CDC42BPA: variants seen among roughly 807,000 people sequenced by gnomAD.
CDC42BPA encodes the protein CDC42 binding protein kinase alpha.
CDC42BPA carries 80 observed loss-of-function variants against 223.5 expected under a neutral mutation model. The ratio of observed to expected loss-of-function variants is 0.36; its 90% CI spans 0.30 to 0.43. The LOEUF is 0.43. Among genes scored for constraint, CDC42BPA ranks in the 20% least tolerant of loss-of-function variants. CDC42BPA has a pLI of 1.00. For synonymous variants in CDC42BPA, 694 were observed against 718.6 expected (o/e 0.97, Z 0.55); for missense variants, 1,743 against 2,099.9 (o/e 0.83, Z 3.32).
At chr1:227,222,731 T>C (rs1440165172) in intron 2 of CDC42BPA, among the ~76,000 whole-genome samples, 1 of 152,242 alleles carries the variant, frequency 6.6e-6, no homozygotes, top group Non-Finnish European at 1.5e-5. Context: ...CAGCTGTCTA[T>C]ACTTTATTGA....
At position 226,992,121 on chromosome 1, in the gene CDC42BPA, G is replaced by A. The variant is rs1438604603; in HGVS notation, c.*2147C>T. Reference sequence around the variant, plus strand: ...GAGCTGGTCACGAGCACCAAGCAGGGGGCCGGCTGGCTGACTCCCTTCTCT... The same window carrying A: ...GAGCTGGTCACGAGCACCAAGCAGGAGGCCGGCTGGCTGACTCCCTTCTCT... On this transcript the variant is annotated 3_prime_UTR_variant, in exon 37 of 37. Transcript: ENST00000366766. 6.6e-6 allele frequency: 1 copy of A among 151,964 alleles called. No individual in the cohort carries two copies. The highest frequency in any genetic ancestry group is 2.4e-5 in the African/African-American group (1 of 41,370). 9.4% of individuals were successfully genotyped at this position (151,964 alleles called of 1,614,324 possible). A position where few individuals can be genotyped will look rare whatever the true frequency, so the allele number is the denominator to read the frequency against.
At chr1:227,055,828 G>A (rs1328322767) in intron 21 of CDC42BPA, among the ~76,000 whole-genome samples, 2 of 151,064 alleles carry the variant, frequency 1.3e-5, no homozygotes, top group African/African-American at 4.9e-5. Flanking sequence ...ACTTTAAGGT[G>A]TTACTCTGAC....
intron 10 of CDC42BPA, among the ~76,000 whole-genome samples, chr1:227,133,973 G>GAATAAATAAATGAATA (rs1553355409): frequency 6.8e-6 from 1 of 146,288 alleles, no homozygotes; most frequent in African/African-American, 2.5e-5. Context: ...AAAAATAAAT[G>GAATAAATAAATGAATA]AATAAATAAA....
At chr1:227,235,154 A>G (rs1280907468) in intron 2 of CDC42BPA, 3 of 152,186 alleles carry the variant, frequency 2.0e-5, no homozygotes, top group Non-Finnish European at 4.4e-5. Flanking sequence ...CATGACACCA[A>G]AGAAATGAGG....
At chr1:227,027,848 G>A (rs919710783) in intron 30 of CDC42BPA, among the ~76,000 whole-genome samples, 3 of 152,186 alleles carry the variant, frequency 2.0e-5, no homozygotes, top group African/African-American at 7.2e-5. Flanking sequence ...TGGGTGTGGT[G>A]AGTCAAGCCT....
rs943877611 is a variant in CDC42BPA, at chr1:227,112,658, C to T, written c.1890+13G>A. The T allele has an allele frequency of 4.3e-6, 7 of 1,611,082 alleles. No homozygotes were observed. Among genetic ancestry groups the T allele is most frequent in the South Asian group, 1.1e-5 (1 of 90,528 alleles). On this transcript the variant is annotated intron_variant, in intron 13 of 36. Coordinates refer to ENST00000366766, the MANE Select transcript of CDC42BPA (RefSeq NM_001394014.1). ...TATCCCATGGGCACTACAAAATTTG[C>T]CTGACTACTAACCTCTTTTTTGGCT...
intron 14 of CDC42BPA, among the ~76,000 whole-genome samples, chr1:227,111,781 C>T (rs1686970466): frequency 6.6e-6 from 1 of 152,190 alleles, no homozygotes; most frequent in Non-Finnish European, 1.5e-5. Context: ...CTGTGCCCGG[C>T]CCCATAATGT....
At chr1:227,296,090 T>C (rs950579085) in intron 1 of CDC42BPA, among the ~76,000 whole-genome samples, 2 of 152,164 alleles carry the variant, frequency 1.3e-5, no homozygotes, top group African/African-American at 4.8e-5. Flanking sequence ...TTAGAGGACT[T>C]ACCCTTTTCA....
intron 3 of CDC42BPA, among the ~76,000 whole-genome samples, chr1:227,208,321 T>C (rs1572372737): frequency 6.9e-6 from 1 of 145,740 alleles, no homozygotes; most frequent in Admixed American, 6.9e-5. Flanking sequence ...TTCACTCTGA[T>C]GGTAGTTTCT....
intron 2 of CDC42BPA, among the ~76,000 whole-genome samples, chr1:227,242,169 A>G (rs1680140104): frequency 6.6e-6 from 1 of 152,192 alleles, no homozygotes; most frequent in African/African-American, 2.4e-5. Flanking sequence ...ATATCATAGT[A>G]AAATCATATC....
intron 1 of CDC42BPA, among the ~76,000 whole-genome samples, chr1:227,312,450 A>T (rs1451440276): frequency 1.3e-5 from 2 of 152,240 alleles, no homozygotes; most frequent in Non-Finnish European, 2.9e-5. Context: ...GTTTTTATAT[A>T]CTGCTATACT....
chr1:227,041,658 T>C (rs1451007883), intron 23 of CDC42BPA, among the ~76,000 whole-genome samples: 1 of 152,198 alleles, frequency 6.6e-6, no homozygotes, highest in East Asian at 1.9e-4. Context: ...AAAACCTGAC[T>C]ACCAGCATTA....
chr1:227,041,936 A>C (rs751438613), intron 23 of CDC42BPA, among the ~76,000 whole-genome samples: 1 of 152,188 alleles, frequency 6.6e-6, no homozygotes, highest in Non-Finnish European at 1.5e-5. Flanking sequence ...GGAAAGATAG[A>C]TATTATTTCC....
intron 1 of CDC42BPA, among the ~76,000 whole-genome samples, chr1:227,308,336 T>TTAG (rs2148797802): frequency 6.6e-6 from 1 of 152,084 alleles, no homozygotes; most frequent in South Asian, 2.1e-4. Context: ...TGAAACCTTG[T>TTAG]GTCTACTAAA....
intron 4 of CDC42BPA, among the ~76,000 whole-genome samples, chr1:227,197,275 A>AT (rs1201774082): frequency 4.6e-5 from 7 of 152,058 alleles, no homozygotes; most frequent in East Asian, 3.9e-4. Flanking sequence ...TTTTTTAATG[A>AT]TTTTTGCTAA....
At chr1:227,294,937 AAAGC>A (rs957430232) in intron 1 of CDC42BPA, among the ~76,000 whole-genome samples, 1 of 151,534 alleles carries the variant, frequency 6.6e-6, no homozygotes, top group East Asian at 1.9e-4. Flanking sequence ...GTGAAAAAAA[AAAGC>A]AAGGTATAAA....
At chr1:227,253,273 CGCGCGT>C (rs1272230376) in intron 2 of CDC42BPA, among the ~76,000 whole-genome samples, 3 of 106,426 alleles carry the variant, frequency 2.8e-5, no homozygotes, top group Admixed American at 9.3e-5. Context: ...AGAGAGCGCG[CGCGCGT>C]GCGCGTGCAT....
intron 35 of CDC42BPA, among the ~76,000 whole-genome samples, chr1:226,998,198 T>C (rs1662029510): frequency 6.6e-6 from 1 of 152,134 alleles, no homozygotes; most frequent in Admixed American, 6.6e-5. Context: ...AGAATCAATA[T>C]CATGAAAATG....
At chr1:227,165,425 G>A (rs561355176) in intron 5 of CDC42BPA, among the ~76,000 whole-genome samples, 2 of 152,056 alleles carry the variant, frequency 1.3e-5, no homozygotes, top group Non-Finnish European at 2.9e-5. Flanking sequence ...GTACTGTTAG[G>A]CATTTAGTAC....
Sources: gnomAD v4.1 joint callset for allele counts (sites outside exome capture counted in the v4.1 genomes callset) on GRCh38, gnomAD v4.1.1 for gene constraint, MANE v1.5 for transcripts, NCBI Gene and HGNC (gene_info 2026-07-23, HGNC 2026-07-21) for gene names.